Variants in PAK4 observed in about 807,000 individuals in gnomAD.
PAK4 encodes the protein serine/threonine-protein kinase PAK 4.
In PAK4, 49 loss-of-function variants were observed where a neutral mutation model predicts 53.5. That is an observed-to-expected ratio of 0.92 (90% CI 0.73 to 1.16). The LOEUF (loss-of-function observed/expected upper bound fraction) is 1.16. Ranked by LOEUF, PAK4 falls within the 50% of genes most tolerant of loss-of-function variation. PAK4 has a pLI of 0.00. For synonymous variants in PAK4, 376 were observed against 375.6 expected, an observed-to-expected ratio of 1.00 and a Z score of -0.01; for missense variants, 824 against 850.7, an observed-to-expected ratio of 0.97 and a Z score of 0.39.
intron 1 of PAK4, among the ~76,000 whole-genome samples, chr19:39,163,335 G>A (rs2074315161): frequency 6.6e-6 from 1 of 152,206 alleles, no homozygotes; most frequent in Non-Finnish European, 1.5e-5. Flanking sequence ...GGGCCCCTGT[G>A]TTCTGGGTGG....
chr19:39,173,747 G>T lies in PAK4; in HGVS notation c.835G>T (p.Ala279Ser). ...GCTGGCCCCTCCAGCCTGCACCCCC[G>T]CCGCCCCTGCTGTTCCTGGGCCCCC... Residue 279 changes from alanine (A) to serine (S), a missense_variant, in exon 4 of 9, where the codon GCC (alanine) becomes TCC (serine). Physicochemically the swap from Ala to Ser is moderately conservative, Grantham distance 99. This residue lies in a region of PAK4 where 478 missense variants were observed against 435.8 expected (regional missense o/e 1.10). Coordinates refer to ENST00000358301, the Ensembl canonical transcript of PAK4. This position sits in a 1 kb window ranked among gnomAD's most constrained non-coding sequence, Gnocchi z 6.9. 1 of 1,574,226 alleles carries T rather than the reference G, an allele frequency of 6.4e-7. No homozygotes were observed. Among genetic ancestry groups the T allele is most frequent in the Non-Finnish European group, 8.6e-7 (1 of 1,163,078 alleles).
chr19:39,176,538 G>A lies in PAK4; in HGVS notation c.1360-52G>A, dbSNP rs113253977. ...ATGACGCAGGCAGACGCCCCTGCTC[G>A]CCCTCCTGCTGTGCCAGCTCCTCTG... is the stretch of plus-strand genomic sequence containing the variant. On this transcript the variant is annotated intron_variant, in intron 6 of 8. Transcript: ENST00000358301. 2,046 of 1,611,258 alleles carry A rather than the reference G, an allele frequency of 1.3e-3. 18 individuals are homozygous for A. In the African/African-American group the frequency reaches 0.024, roughly 19 times the overall value.
chr19:39,134,370 C>T lies in PAK4; in HGVS notation c.-23+8451C>T, dbSNP rs532690314. Among the ~76,000 whole-genome samples, 3 of 152,374 alleles carry T rather than the reference C, an allele frequency of 2.0e-5. No homozygotes were observed. The South Asian group carries it at 6.2e-4, about 32-fold the overall frequency. On this transcript the variant is annotated intron_variant, in intron 1 of 8. Transcript: ENST00000358301. ...AACCCCTGTCCATCACGACCACAGTCGTGAGTGCTCTCCTGACCTTGGTGG... is the reference window on the plus strand; with the variant it reads ...AACCCCTGTCCATCACGACCACAGTTGTGAGTGCTCTCCTGACCTTGGTGG...
At chr19:39,158,092 GTGTGTGCATGCA>G (rs1408483967) in intron 1 of PAK4, among the ~76,000 whole-genome samples, 1 of 151,522 alleles carries the variant, frequency 6.6e-6, no homozygotes, top group Non-Finnish European at 1.5e-5. Context: ...GTGTGTGCAT[GTGTGTGCATGCA>G]TGTGAGCATT....
chr19:39,137,833 A>AT (rs2073843802), intron 1 of PAK4, among the ~76,000 whole-genome samples: 1 of 151,650 alleles, frequency 6.6e-6, no homozygotes, highest in South Asian at 2.1e-4. Flanking sequence ...TGCCTGGCTA[A>AT]TTTTTTGTGT....
chr19:39,144,382 C>T (rs2073966301), intron 1 of PAK4, among the ~76,000 whole-genome samples: 1 of 152,214 alleles, frequency 6.6e-6, no homozygotes. Context: ...GCACGTAACA[C>T]TTTGTAGTGG....
At chr19:39,159,409 A>T (rs1164459066) in intron 1 of PAK4, among the ~76,000 whole-genome samples, 1 of 152,114 alleles carries the variant, frequency 6.6e-6, no homozygotes, top group Non-Finnish European at 1.5e-5. Flanking sequence ...TTTTTCAGAC[A>T]GAGTCTCACT....
At chr19:39,172,143 T>TGGAG (rs2074492065) in intron 2 of PAK4, among the ~76,000 whole-genome samples, 1 of 118,192 alleles carries the variant, frequency 8.5e-6, no homozygotes, top group East Asian at 2.4e-4. Context: ...CCTGAAGGAG[T>TGGAG]GGAGGGAGGG....
intron 1 of PAK4, among the ~76,000 whole-genome samples, chr19:39,130,970 G>A (rs1241301560): frequency 6.6e-6 from 1 of 151,902 alleles, no homozygotes; most frequent in African/African-American, 2.4e-5. Context: ...GACAGTGATG[G>A]AGGAGCGTCC....
chr19:39,169,680 A>C, exon 2 of PAK4: 1 of 1,613,112 alleles, frequency 6.2e-7, no homozygotes, highest in Non-Finnish European at 8.5e-7. Context: ...GCAGAGCCTG[A>C]TCGAGGAGTC....
intron 1 of PAK4, among the ~76,000 whole-genome samples, chr19:39,156,284 C>T (rs899065565): frequency 6.6e-6 from 1 of 152,130 alleles, no homozygotes; most frequent in African/African-American, 2.4e-5. Context: ...CCACCCACCC[C>T]TCTCCCCAGG....
intron 1 of PAK4, among the ~76,000 whole-genome samples, chr19:39,128,928 C>G (rs1290604918): frequency 6.6e-6 from 1 of 152,272 alleles, no homozygotes. Flanking sequence ...TTCCAACTTA[C>G]TTGGTCTGGG....
intron 1 of PAK4, among the ~76,000 whole-genome samples, chr19:39,137,697 C>G (rs2073840844): frequency 6.7e-6 from 1 of 149,990 alleles, no homozygotes; most frequent in Non-Finnish European, 1.5e-5. Context: ...GACAGAGTCT[C>G]ACTCTGTCAC....
Position 39,169,528 on chromosome 19 carries a change from G to T in PAK4, c.-22-4G>T, listed in dbSNP as rs558219950. 2 of 1,604,318 alleles carry T rather than the reference G, an allele frequency of 1.2e-6. No individual in the cohort carries two copies. The highest frequency in any genetic ancestry group is 1.7e-6 in the Non-Finnish European group (2 of 1,171,902). ...CACTCACCCACCGTGATTCCCTCCC[G>T]CAGGCCGCACCGAGTCCCCGGCACC... On this transcript the variant is annotated splice_polypyrimidine_tract_variant and splice_region_variant and intron_variant, in intron 1 of 8. Transcript: ENST00000358301.
chr19:39,141,604 C>G (rs906447864), intron 1 of PAK4, among the ~76,000 whole-genome samples: 39 of 151,962 alleles, frequency 2.6e-4, no homozygotes, highest in African/African-American at 9.2e-4. Context: ...GCGTGAGCCA[C>G]CGTACCCTGC....
chr19:39,142,207 C>G (rs1042303646), intron 1 of PAK4, among the ~76,000 whole-genome samples: 1 of 152,166 alleles, frequency 6.6e-6, no homozygotes, highest in Non-Finnish European at 1.5e-5. Flanking sequence ...GGCCATTTGT[C>G]CTGGAGTTTT....
chr19:39,145,269 T>C (rs772072411), intron 1 of PAK4, among the ~76,000 whole-genome samples: 42 of 152,054 alleles, frequency 2.8e-4, no homozygotes, highest in Non-Finnish European at 4.3e-4. Context: ...TCGCTGGCCC[T>C]GCGTCTGCTT....
At chr19:39,176,277 C>T (rs1415669527) in intron 6 of PAK4, among the ~76,000 whole-genome samples, 1 of 152,222 alleles carries the variant, frequency 6.6e-6, no homozygotes, top group African/African-American at 2.4e-5. Flanking sequence ...CTTTTGGGGC[C>T]ACCCCTGTTC....
chr19:39,146,448 G>A (rs1317010571), intron 1 of PAK4, among the ~76,000 whole-genome samples: 1 of 152,232 alleles, frequency 6.6e-6, no homozygotes, highest in Admixed American at 6.5e-5. Context: ...AAGGCTAAAA[G>A]TTGGGAAAGG....
Sources: allele counts gnomAD v4.1 joint callset (sites outside exome capture counted in the v4.1 genomes callset), GRCh38; gene constraint gnomAD v4.1.1; regional missense constraint gnomAD v4.1.1; non-coding constraint Gnocchi (gnomAD v3.1); transcripts MANE v1.5; gene names NCBI Gene and HGNC (gene_info 2026-07-23, HGNC 2026-07-21).